Variants in RPS29 observed in about 807,000 individuals in gnomAD.
The protein encoded by RPS29 is ribosomal protein S29.
For synonymous variants in RPS29, 37 were observed against 26.9 expected (o/e 1.37, Z -1.16); for missense variants, 60 against 75.7 (o/e 0.79, Z 0.77).
At chr14:49,575,675 C>T (rs1019599607) in exon 3 of RPS29, 1 of 152,106 alleles carries the variant, frequency 6.6e-6, no homozygotes, top group African/African-American at 2.4e-5. Context: ...GGTGAGACTT[C>T]CATCTCTACG....
chr14:49,584,004 G>T (rs1185829167), intron 2 of RPS29, among the ~76,000 whole-genome samples: 1 of 150,596 alleles, frequency 6.6e-6, no homozygotes, highest in Non-Finnish European at 1.5e-5. Context: ...TTTTTTTTGA[G>T]AGAGAGTCTC....
At chr14:49,580,124 T>C (rs920720214), downstream of RPS29, among the ~76,000 whole-genome samples, 2 of 152,162 alleles carry the variant, frequency 1.3e-5, no homozygotes, top group Non-Finnish European at 2.9e-5. Context: ...TCTTACAGAA[T>C]TTATACCAGG....
chr14:49,594,102 T>G (rs139370825), intron 1 of RPS29, among the ~76,000 whole-genome samples: 1 of 152,212 alleles, frequency 6.6e-6, no homozygotes, highest in Non-Finnish European at 1.5e-5. Context: ...GCTCTAAAAC[T>G]TGAGGATTCT....
upstream of RPS29, among the ~76,000 whole-genome samples, chr14:49,589,446 G>A (rs141124813): frequency 6.6e-6 from 1 of 152,212 alleles, no homozygotes; most frequent in East Asian, 1.9e-4. Context: ...AAGTACATTG[G>A]AATAATATGC....
upstream of RPS29, among the ~76,000 whole-genome samples, chr14:49,587,568 C>T (rs1251541787): frequency 6.6e-6 from 1 of 152,142 alleles, no homozygotes; most frequent in African/African-American, 2.4e-5. Context: ...TTAAGTTAGG[C>T]ATTGTATTAT....
chr14:49,591,841 C>A (rs923232345), intron 1 of RPS29, among the ~76,000 whole-genome samples: 15 of 150,372 alleles, frequency 1.0e-4, no homozygotes, highest in African/African-American at 3.7e-4. Flanking sequence ...AGGATGGTCT[C>A]GATATCCTGA....
upstream of RPS29, among the ~76,000 whole-genome samples, chr14:49,590,303 C>T (rs551414621): frequency 1.3e-5 from 2 of 151,654 alleles, no homozygotes; most frequent in Middle Eastern, 3.4e-3. Flanking sequence ...TGGTGAAACC[C>T]GGTCTCCACT....
downstream of RPS29, among the ~76,000 whole-genome samples, chr14:49,579,614 T>A (rs548618428): frequency 1.3e-5 from 2 of 152,322 alleles, no homozygotes; most frequent in South Asian, 4.1e-4. Flanking sequence ...GCACCTACCA[T>A]CTTTTGCCAT....
intron 1 of RPS29, among the ~76,000 whole-genome samples, chr14:49,596,035 G>C (rs1566487474): frequency 6.7e-6 from 1 of 150,326 alleles, no homozygotes; most frequent in Non-Finnish European, 1.5e-5. Context: ...GAGGGAGGGA[G>C]GGAGGGAGGG....
chr14:49,573,520 A>ACACCAAC (rs1881108088), exon 3 of RPS29: 2 of 152,110 alleles, frequency 1.3e-5, no homozygotes, highest in South Asian at 4.1e-4. Context: ...AGTCCTGACA[A>ACACCAAC]CACCAACAAT....
chr14:49,597,792 ACG>A (rs1260841722), intron 1 of RPS29: 1 of 151,792 alleles, frequency 6.6e-6, no homozygotes, highest in Non-Finnish European at 1.5e-5. Flanking sequence ...GACTACAGAC[ACG>A]CGCCACCACG....
At chr14:49,593,871 C>G (rs1197739082) in intron 1 of RPS29, among the ~76,000 whole-genome samples, 4 of 151,914 alleles carry the variant, frequency 2.6e-5, no homozygotes, top group African/African-American at 9.7e-5. Flanking sequence ...AAGAGACAAG[C>G]CTTTGGGCAA....
chr14:49,588,895 T>TC (rs1444656589), upstream of RPS29, among the ~76,000 whole-genome samples: 1 of 123,168 alleles, frequency 8.1e-6, no homozygotes, highest in Non-Finnish European at 1.8e-5. Context: ...TTTTTTTTTT[T>TC]TTTTTTTGAG....
downstream of RPS29, among the ~76,000 whole-genome samples, chr14:49,578,806 G>A (rs371876380): frequency 6.6e-6 from 1 of 152,010 alleles, no homozygotes; most frequent in East Asian, 1.9e-4. Flanking sequence ...TGATCCACCT[G>A]CCTCAGCCTC....
upstream of RPS29, among the ~76,000 whole-genome samples, chr14:49,588,702 C>T (rs1201371164): frequency 3.3e-5 from 5 of 150,524 alleles, no homozygotes; most frequent in Middle Eastern, 3.2e-3. Flanking sequence ...TAATTTTTTA[C>T]ATTTTTGGTA....
intron 2 of RPS29, among the ~76,000 whole-genome samples, chr14:49,584,747 G>A (rs1881460518): frequency 6.6e-6 from 1 of 150,572 alleles, no homozygotes; most frequent in Admixed American, 6.7e-5. Flanking sequence ...GGGAAACAGA[G>A]GGAGACCCAA....
At chr14:49,593,797 G>A (rs1375454210) in intron 1 of RPS29, among the ~76,000 whole-genome samples, 1 of 150,496 alleles carries the variant, frequency 6.6e-6, no homozygotes, top group Non-Finnish European at 1.5e-5. Flanking sequence ...AAAAAACAGA[G>A]GCTGTCCTGG....
At chr14:49,593,437 C>T (rs1881756916) in intron 1 of RPS29, among the ~76,000 whole-genome samples, 1 of 152,080 alleles carries the variant, frequency 6.6e-6, no homozygotes, top group African/African-American at 2.4e-5. Context: ...GGCGCAGTGG[C>T]TCATGCCTGT....
chr14:49,585,916 C>T (rs774218563), intron 2 of RPS29, 34 bp downstream of exon 2: 1 of 1,547,808 alleles, frequency 6.5e-7, no homozygotes, highest in Non-Finnish European at 8.9e-7. Context: ...CCTTCTCTGC[C>T]CAAACAACAT....
Sources: allele counts gnomAD v4.1 joint callset (sites outside exome capture counted in the v4.1 genomes callset), GRCh38; gene constraint gnomAD v4.1.1; transcripts MANE v1.5; gene names NCBI Gene and HGNC (gene_info 2026-07-23, HGNC 2026-07-21).